The following ZFP1 variants were observed in gnomAD, a reference collection of about 807,000 sequenced individuals.
ZFP1 encodes ZFP1 zinc finger protein.
ZFP1 carries 32 observed loss-of-function variants against 38.5 expected under a neutral mutation model. That is an observed-to-expected ratio of 0.83 (90% confidence interval 0.63 to 1.12). The LOEUF is 1.12. Among genes scored for constraint, ZFP1 ranks in the 50% most tolerant of loss-of-function variants. The pLI, the probability that ZFP1 is intolerant of heterozygous loss-of-function variation, is 0.00. For synonymous variants in ZFP1, 245 were observed against 168.8 expected (o/e 1.45, Z -3.50); for missense variants, 616 against 480.8 (o/e 1.28, Z -2.63).
chr16:75,154,504 A>G (rs1268772201), intron 2 of ZFP1, among the ~76,000 whole-genome samples: 1 of 151,874 alleles, frequency 6.6e-6, no homozygotes, highest in East Asian at 1.9e-4. Context: ...TTTGTAAGAA[A>G]CTGCCAAACT....
chr16:75,150,989 C>T (rs1224107383), intron 1 of ZFP1, among the ~76,000 whole-genome samples: 1 of 152,006 alleles, frequency 6.6e-6, no homozygotes, highest in African/African-American at 2.4e-5. Context: ...TCCGGAGTAG[C>T]TAGGACTCAA....
At chr16:75,152,834 T>G in intron 1 of ZFP1, 75 bp from the exon 2 acceptor site, 1 of 1,426,784 alleles carries the variant, frequency 7.0e-7, no homozygotes, top group Non-Finnish European at 9.6e-7. Flanking sequence ...TAGGGGTTTC[T>G]AAACAAGTCA....
At chr16:75,153,066 G>A (rs936278438) in intron 2 of ZFP1, 100 bp downstream of exon 2, 7 of 1,468,398 alleles carry the variant, frequency 4.8e-6, no homozygotes, top group Admixed American at 2.2e-5. Flanking sequence ...AAGACACAAA[G>A]GAAACATAGC....
At chr16:75,159,673 T>C (rs1249634084) in intron 2 of ZFP1, among the ~76,000 whole-genome samples, 1 of 152,126 alleles carries the variant, frequency 6.6e-6, no homozygotes, top group Admixed American at 6.6e-5. Context: ...CCCAAAGTGC[T>C]GGGATTACAG....
chr16:75,156,369 A>G (rs889648490), intron 2 of ZFP1, among the ~76,000 whole-genome samples: 2 of 152,172 alleles, frequency 1.3e-5, no homozygotes, highest in African/African-American at 4.8e-5. Flanking sequence ...AGGCAGGAGA[A>G]TCGCTTGAAC....
rs186744720 is a variant in ZFP1 at position 75,150,346 on chromosome 16, C to G, written c.-44+1703C>G. 2.9e-3 allele frequency among the ~76,000 whole-genome samples: 415 copies of G among 144,130 alleles called. 3 individuals are homozygous for G. The highest frequency in any genetic ancestry group is 9.8e-3 in the African/African-American group (383 of 39,094). 94.6% of individuals were successfully genotyped at this position (144,130 alleles called of 152,430 possible). On this transcript the variant is annotated intron_variant, in intron 1 of 3. Coordinates refer to ENST00000570010, the MANE Select transcript of ZFP1 (RefSeq NM_153688.4). Reference sequence around the variant, plus strand: ...GCCTCAGCCTCCAGAGTAGCTGGGACTACAGGCGCCCGCCACTACACCTGG... The same window carrying G: ...GCCTCAGCCTCCAGAGTAGCTGGGAGTACAGGCGCCCGCCACTACACCTGG...
At chr16:75,156,899 C>A (rs189526327) in intron 2 of ZFP1, among the ~76,000 whole-genome samples, 44 of 152,276 alleles carry the variant, frequency 2.9e-4, no homozygotes, top group Non-Finnish European at 4.7e-4. Context: ...AGAATCTGGG[C>A]CAGGCTCACC....
At chr16:75,139,385 A>AAC in the ZFP1 span, among the ~76,000 whole-genome samples, 2 of 146,754 alleles carry the variant, frequency 1.4e-5, no homozygotes, top group African/African-American at 2.6e-5. Context: ...AAAAAAAAAA[A>AAC]AAAAAAAAAA....
At chr16:75,123,449 GTATATGTATATATATA>G in the ZFP1 span, among the ~76,000 whole-genome samples, 1 of 48,386 alleles carries the variant, frequency 2.1e-5, no homozygotes, top group African/African-American at 8.6e-5. Flanking sequence ...GTGTGTGTGT[GTATATGTATATATATA>G]TATATATATA....
the ZFP1 span, among the ~76,000 whole-genome samples, chr16:75,139,045 T>G: frequency 1.3e-5 from 2 of 152,014 alleles, no homozygotes; most frequent in African/African-American, 4.8e-5. Context: ...AAAAGCATCC[T>G]ACAAAATACC....
chr16:75,156,778 C>T (rs537551810), intron 2 of ZFP1, among the ~76,000 whole-genome samples: 104 of 152,332 alleles, frequency 6.8e-4, no homozygotes, highest in African/African-American at 2.3e-3. Flanking sequence ...AAGCAGAACA[C>T]TTCTGTGACA....
upstream of ZFP1, among the ~76,000 whole-genome samples, chr16:75,145,747 C>T (rs2036936053): frequency 6.6e-6 from 1 of 152,154 alleles, no homozygotes; most frequent in South Asian, 2.1e-4. Flanking sequence ...TTTCCAGCTC[C>T]CCATCCTGCT....
chr16:75,144,199 T>G (rs980123234), upstream of ZFP1: 4 of 152,208 alleles, frequency 2.6e-5, no homozygotes, highest in Non-Finnish European at 4.4e-5. Flanking sequence ...TAAGGGGAAT[T>G]TATCTTGTGT....
At position 75,170,058 on chromosome 16, in the gene ZFP1, G is replaced by T; in HGVS notation, c.948G>T (p.Lys316Asn). The T allele has an allele frequency of 6.2e-7, 1 of 1,614,038 alleles. No homozygotes were observed. The highest frequency in any genetic ancestry group is 8.5e-7 in the Non-Finnish European group (1 of 1,180,000). Residue 316 changes from lysine (K) to asparagine (N), a missense_variant, in exon 4 of 4, where the codon AAG (lysine) becomes AAT (asparagine). Physicochemically the swap from Lys to Asn is moderately conservative, Grantham distance 94. Coordinates refer to ENST00000570010, the MANE Select transcript of ZFP1 (RefSeq NM_153688.4). Reference protein sequence around the residue: ...FKKSNLIIHQKIHTGEKRYEC... With the variant: ...FKKSNLIIHQNIHTGEKRYEC... ...AGTCAAACCTTATCATACATCAGAA[G>T]ATTCACACGGGGGAGAAACGCTATG...
chr16:75,140,572 T>C, the ZFP1 span, among the ~76,000 whole-genome samples: 3 of 152,240 alleles, frequency 2.0e-5, no homozygotes, highest in Non-Finnish European at 4.4e-5. Context: ...TGTGTCTTAG[T>C]CACAGCTGTG....
the ZFP1 span, chr16:75,132,402 C>T: frequency 6.6e-6 from 1 of 151,818 alleles, no homozygotes. Context: ...GAAGCAGGGT[C>T]ATTTGTTCTG....
chr16:75,165,477 C>T (rs1269380042), intron 2 of ZFP1, among the ~76,000 whole-genome samples: 1 of 151,932 alleles, frequency 6.6e-6, no homozygotes, highest in Non-Finnish European at 1.5e-5. Context: ...TCACTGCAGC[C>T]TCCACCTCCC....
chr16:75,170,310 A>T lies in ZFP1; in HGVS notation c.1200A>T (p.Arg400Ser), dbSNP rs2038356846. ...AGTCCCGACTCAGTGTCCATCAGAG[A>T]GTTCACATCGGGGAGAAACCCTGAA... is the stretch of plus-strand genomic sequence containing the variant. The part of the protein sequence containing the change: ...SRKSRLSVHQ[R>S]VHIGEKP The change falls in exon 4 of 4, where the codon AGA becomes AGT. Residue 400 changes from arginine (R) to serine (S), a missense_variant. Arg to Ser is a moderately radical substitution (Grantham distance 110). Transcript: ENST00000570010. The T allele has an allele frequency of 6.3e-7, 1 of 1,591,338 alleles. No homozygotes were observed. Among genetic ancestry groups the T allele is most frequent in the African/African-American group, 1.3e-5 (1 of 74,256 alleles).
At chr16:75,144,506 T>G (rs991782058), upstream of ZFP1, among the ~76,000 whole-genome samples, 12 of 152,366 alleles carry the variant, frequency 7.9e-5, no homozygotes, top group South Asian at 2.5e-3. Context: ...AGGAACATTC[T>G]TGTATATACA....
Sources: allele counts gnomAD v4.1 joint callset (sites outside exome capture counted in the v4.1 genomes callset), GRCh38; gene constraint gnomAD v4.1.1; transcripts MANE v1.5; gene names NCBI Gene and HGNC (gene_info 2026-07-23, HGNC 2026-07-21).